Variants in CACNG8 observed in about 807,000 individuals in gnomAD.
The protein encoded by CACNG8 is calcium voltage-gated channel auxiliary subunit gamma 8, also known as voltage-dependent calcium channel gamma-8 subunit.
A neutral mutation model predicts 26.9 loss-of-function variants in CACNG8; 5 were observed. The ratio of observed to expected loss-of-function variants is 0.19; its 90% confidence interval spans 0.10 to 0.39. The LOEUF is 0.39. Ranked by LOEUF, CACNG8 falls within the 10% of genes least tolerant of loss-of-function variation. The probability of loss-of-function intolerance (pLI) is 1.00; values close to 1 mark genes in which losing one functional copy is unlikely to be tolerated. For missense variants in CACNG8, 473 were observed against 609.4 expected (o/e 0.78, Z 2.36); for synonymous variants, 321 against 296.7 (o/e 1.08, Z -0.84).
At position 53,989,997 on chromosome 19, in the gene CACNG8, C is replaced by G. The variant is rs538078236; in HGVS notation, c.*7148C>G. On this transcript the variant is annotated 3_prime_UTR_variant, in exon 4 of 4. Coordinates refer to ENST00000270458, the MANE Select transcript of CACNG8 (RefSeq NM_031895.6). ...GAGCCTCGCTCAGGTCAGCGCCAGG[C>G]CTGCCTGGAGCAGCCAACTGTGGGA... is the stretch of plus-strand genomic sequence containing the variant. 3 of 152,752 alleles carry G rather than the reference C, an allele frequency of 2.0e-5. No homozygotes were observed. The highest frequency in any genetic ancestry group is 4.1e-4 in the South Asian group (2 of 4,842). The allele number at this position is 152,752 out of a possible 1,614,324, so 9.5% of individuals were successfully genotyped here. A position where few individuals can be genotyped will look rare whatever the true frequency, so the allele number is the denominator to read the frequency against.
Position 53,982,014 on chromosome 19 carries a change from CG to C in CACNG8, c.509-62del. ...CCCGCTGGCGCAGGCGGGCAGGGGTCGGGGCCGGGGGCGGGGGCGGGGCCGG... is the reference window on the plus strand; with the variant it reads ...CCCGCTGGCGCAGGCGGGCAGGGGTCGGGCCGGGGGCGGGGGCGGGGCCGG... On this transcript the variant is annotated intron_variant, in intron 3 of 3. Transcript: ENST00000270458. This position sits in a 1 kb window ranked among gnomAD's most constrained non-coding sequence, Gnocchi z 8.4. 1.7e-6 allele frequency: 2 copies of C among 1,164,412 alleles called. No individual in the cohort carries two copies. Among genetic ancestry groups the C allele is most frequent in the Non-Finnish European group, 2.2e-6 (2 of 925,386 alleles). The allele number at this position is 1,164,412 out of a possible 1,614,324, so 72.1% of individuals were successfully genotyped here.
At position 53,979,908 on chromosome 19, in the gene CACNG8, A is replaced by G. The variant is rs778821178; in HGVS notation, c.409A>G (p.Ile137Val). The G allele has an allele frequency of 1.2e-5, 20 of 1,610,942 alleles. No homozygotes were observed. Among genetic ancestry groups the G allele is most frequent in the Non-Finnish European group, 1.5e-5 (18 of 1,178,408 alleles). The change falls in exon 3 of 4, where the codon ATC (isoleucine) becomes GTC (valine). Residue 137 changes from isoleucine (I) to valine (V), a missense_variant. Physicochemically the swap from Ile to Val is conservative, Grantham distance 29 (BLOSUM62 3). Transcript: ENST00000270458. ...CAGCATCTTCCCCATCCTTAGCGCC[A>G]TCCTGCTGCTGCTCGGGGGTGTGTG...
Position 53,978,315 on chromosome 19 carries a change from T to G in CACNG8, c.367+86T>G, listed in dbSNP as rs1448798631. ...CGGGGTGGGTGCCGGGAAAAGGCAC[T>G]GGGACTCCGGCACTTGGATCGACAC... is the stretch of plus-strand genomic sequence containing the variant. On this transcript the variant is annotated intron_variant, in intron 2 of 3. Coordinates refer to ENST00000270458, the MANE Select transcript of CACNG8 (RefSeq NM_031895.6). 4 of 1,006,186 alleles carry G rather than the reference T, an allele frequency of 4.0e-6. No homozygotes were observed. The East Asian group carries it at 1.0e-4, about 26-fold the overall frequency. The allele number at this position is 1,006,186 out of a possible 1,614,324, so 62.3% of individuals were successfully genotyped here.
Position 53,982,410 on chromosome 19 carries a change from C to A in CACNG8, c.839C>A (p.Ser280Tyr). The A allele has an allele frequency of 6.6e-7, 1 of 1,522,486 alleles. No homozygotes were observed. Among genetic ancestry groups the A allele is most frequent in the South Asian group, 1.2e-5 (1 of 82,404 alleles). The allele number at this position is 1,522,486 out of a possible 1,614,324, so 94.3% of individuals were successfully genotyped here. The change falls in exon 4 of 4, where the codon TCC becomes TAC. Residue 280 changes from serine (S) to tyrosine (Y), a missense_variant. Transcript: ENST00000270458. The surrounding 1 kb of genome is among the most constrained non-coding windows in gnomAD (Gnocchi z 8.4). ...CGCCGCTCCCGCTCTAGCTCCCGCT[C>A]CAGCGAGCCGTCGCCGTCGCGGGAC...
chr19:53,966,075 TA>T (rs967344458), intron 1 of CACNG8, among the ~76,000 whole-genome samples: 7 of 150,512 alleles, frequency 4.7e-5, no homozygotes, highest in Admixed American at 2.0e-4. Flanking sequence ...TTCTGTTTTT[TA>T]AAAATTATTT....
intron 2 of CACNG8, among the ~76,000 whole-genome samples, chr19:53,978,860 A>G (rs2069346481): frequency 7.2e-6 from 1 of 139,850 alleles, no homozygotes; most frequent in African/African-American, 2.6e-5. Context: ...AGTCAGGCCT[A>G]AAGGGGGTAG....
In CACNG8 at chr19:53,982,873, G is replaced by C; in HGVS notation, c.*24G>C. 2.4e-6 allele frequency: 3 copies of C among 1,258,048 alleles called. No individual in the cohort carries two copies. The highest frequency in any genetic ancestry group is 3.6e-5 in the East Asian group (1 of 27,412). 77.9% of individuals were successfully genotyped at this position (1,258,048 alleles called of 1,614,324 possible). On this transcript the variant is annotated 3_prime_UTR_variant, in exon 4 of 4. Transcript: ENST00000270458. This position sits in a 1 kb window ranked among gnomAD's most constrained non-coding sequence, Gnocchi z 8.4. The stretch of plus-strand genomic sequence containing the variant: ...AGGGGCGCGGCGGGGGAGCCGAGGG[G>C]CGTGTCCGGGGCGCGTGCGCGGGCG...
At chr19:53,981,479 T>C (rs1248457948) in intron 3 of CACNG8, among the ~76,000 whole-genome samples, 1 of 150,406 alleles carries the variant, frequency 6.6e-6, no homozygotes, top group Non-Finnish European at 1.5e-5. Flanking sequence ...AGGAGTGGGG[T>C]TTATGCCATG....
chr19:53,978,285 G>A (rs1419338212), intron 2 of CACNG8, 56 bp downstream of exon 2: 6 of 1,453,422 alleles, frequency 4.1e-6, no homozygotes, highest in Non-Finnish European at 5.7e-6. Flanking sequence ...GGGCCTGGAA[G>A]GCGTCGGGGT....
At chr19:53,978,104 CT>C in intron 1 of CACNG8, 41 bp from the exon 2 acceptor site, 1 of 1,456,462 alleles carries the variant, frequency 6.9e-7, no homozygotes, top group Non-Finnish European at 9.6e-7. Flanking sequence ...GCCCCCAACC[CT>C]GAAGTATCCG....
chr19:53,967,091 C>G (rs573545905), intron 1 of CACNG8, among the ~76,000 whole-genome samples: 140 of 152,204 alleles, frequency 9.2e-4, no homozygotes, highest in African/African-American at 3.2e-3. Context: ...TGAGCAACAG[C>G]CTTGATCTCT....
Position 53,968,491 on chromosome 19 carries a change from C to T in CACNG8, c.283+5066C>T, listed in dbSNP as rs574076134. Among the ~76,000 whole-genome samples the T allele has an allele frequency of 1.1e-4, 16 of 151,498 alleles. No individual in the cohort carries two copies. In the South Asian group the frequency reaches 2.9e-3, roughly 28 times the overall value. On this transcript the variant is annotated intron_variant, in intron 1 of 3. Coordinates refer to ENST00000270458, the MANE Select transcript of CACNG8 (RefSeq NM_031895.6). ...ACTATTAAAATGTGAGGGAGATGGC[C>T]GGGCGCGGTGGCTCACGCCTGTAAT...
chr19:53,974,805 C>T (rs1056769048), intron 1 of CACNG8, among the ~76,000 whole-genome samples: 1 of 151,296 alleles, frequency 6.6e-6, no homozygotes, highest in Non-Finnish European at 1.5e-5. Flanking sequence ...CCATGCCCAG[C>T]TAATTTTTGT....
At chr19:53,978,444 G>A (rs1020354207) in intron 2 of CACNG8, among the ~76,000 whole-genome samples, 2 of 152,116 alleles carry the variant, frequency 1.3e-5, no homozygotes, top group African/African-American at 4.8e-5. Flanking sequence ...ACCTTGGGGC[G>A]GGCTGAGGGA....
chr19:53,964,271 G>T (rs1012306492), intron 1 of CACNG8, among the ~76,000 whole-genome samples: 1 of 150,942 alleles, frequency 6.6e-6, no homozygotes, highest in South Asian at 2.1e-4. Flanking sequence ...CAGTCTTCCG[G>T]TCTGTCTCTT....
intron 1 of CACNG8, among the ~76,000 whole-genome samples, chr19:53,977,274 G>A (rs1033921292): frequency 1.8e-4 from 27 of 152,210 alleles, no homozygotes; most frequent in African/African-American, 6.0e-4. Context: ...AGCAAAGAAT[G>A]TGAGCTGGAA....
rs1260183461 is a variant in CACNG8 at position 53,982,775 on chromosome 19, G to A, written c.1204G>A (p.Ala402Thr). The stretch of plus-strand genomic sequence containing the variant: ...CGCGCCACCCGCGCCCTCTGCGCCC[G>A]CCCCCGGGACCCTGGCCAAGGAGGC... The change falls in exon 4 of 4, where the codon GCC (alanine) becomes ACC (threonine). Residue 402 changes from alanine to threonine, a missense_variant. Ala to Thr is a moderately conservative substitution (Grantham distance 58, BLOSUM62 0). Transcript: ENST00000270458. The surrounding 1 kb of genome is among the most constrained non-coding windows in gnomAD (Gnocchi z 8.4). 2.3e-6 allele frequency: 3 copies of A among 1,281,144 alleles called. No homozygotes were observed. The highest frequency in any genetic ancestry group is 2.1e-5 in the South Asian group (1 of 47,268). 79.4% of individuals were successfully genotyped at this position (1,281,144 alleles called of 1,614,324 possible).
At chr19:53,979,808 G>C in intron 2 of CACNG8, 59 bp from the exon 3 acceptor site, 1 of 1,505,700 alleles carries the variant, frequency 6.6e-7, no homozygotes, top group South Asian at 1.3e-5. Flanking sequence ...AGGGGGCGCA[G>C]GCGGCCGCGT....
chr19:53,976,261 G>C (rs2145938225), intron 1 of CACNG8, among the ~76,000 whole-genome samples: 1 of 152,342 alleles, frequency 6.6e-6, no homozygotes, highest in Admixed American at 6.5e-5. Context: ...GGCTGAGGCA[G>C]GAGGACCACT....
Sources: allele counts gnomAD v4.1 joint callset (sites outside exome capture counted in the v4.1 genomes callset), GRCh38; gene constraint gnomAD v4.1.1; non-coding constraint Gnocchi (gnomAD v3.1); transcripts MANE v1.5; gene names NCBI Gene and HGNC (gene_info 2026-07-23, HGNC 2026-07-21).